ACTR3C: variants seen among roughly 807,000 people sequenced by gnomAD.
ACTR3C encodes the protein actin related protein 3C, also known as actin-related protein 3C.
Under a neutral mutation model 26.3 loss-of-function variants are expected in ACTR3C, and 18 were observed. The ratio of observed to expected loss-of-function variants is 0.68; its 90% CI spans 0.47 to 1.01. The LOEUF (loss-of-function observed/expected upper bound fraction) is 1.01, where lower values mean the gene tolerates loss of function less well. Among genes scored for constraint, ACTR3C ranks in the 50% least tolerant of loss-of-function variants. The pLI, the probability that ACTR3C is intolerant of heterozygous loss-of-function variation, is 0.00. For synonymous variants in ACTR3C, 55 were observed against 94.5 expected, an observed-to-expected ratio of 0.58 and a Z score of 2.42; for missense variants, 184 against 250.7, an observed-to-expected ratio of 0.73 and a Z score of 1.80.
At chr7:149,968,968 T>A in the ACTR3C span, among the ~76,000 whole-genome samples, 2 of 151,888 alleles carry the variant, frequency 1.3e-5, no homozygotes, top group East Asian at 1.9e-4. Context: ...GTCAGTCCCA[T>A]TCGCTCAGGC....
chr7:150,299,464 CAAAAAAAA>C lies in ACTR3C; in HGVS notation c.-51-4125_-51-4118del, dbSNP rs759969034. On this transcript the variant is annotated intron_variant, in intron 1 of 7. Coordinates refer to ENST00000683684, the MANE Select transcript of ACTR3C (RefSeq NM_001164458.2). ...CTTGGACAACATAGAGACCCCCTCT[CAAAAAAAA>C]AAAAAAAAAAAAAAAAAAAAAACAA... 5.0e-4 allele frequency among the ~76,000 whole-genome samples: 7 copies of C among 14,112 alleles called. 1 individual carries two copies. The South Asian group carries it at 0.019, about 38-fold the overall frequency. 9.3% of individuals were successfully genotyped at this position (14,112 alleles called of 152,430 possible).
At chr7:150,091,764 C>T in the ACTR3C span, among the ~76,000 whole-genome samples, 4 of 147,452 alleles carry the variant, frequency 2.7e-5, no homozygotes, top group African/African-American at 5.0e-5. Flanking sequence ...GGGCGGATCA[C>T]GAGGTCAGGA....
At chr7:150,263,950 G>A (rs976479986) in intron 6 of ACTR3C, among the ~76,000 whole-genome samples, 2 of 152,344 alleles carry the variant, frequency 1.3e-5, no homozygotes, top group African/African-American at 4.8e-5. Flanking sequence ...GCTGCAGGTG[G>A]AAGCTATGAC....
the ACTR3C span, among the ~76,000 whole-genome samples, chr7:150,198,307 C>T: frequency 9.2e-3 from 1,360 of 147,828 alleles, 28 homozygotes; most frequent in Admixed American, 0.041. Context: ...GGCCGCCCAT[C>T]GTCTGGGATG....
At chr7:149,975,230 A>G in the ACTR3C span, among the ~76,000 whole-genome samples, 1 of 152,224 alleles carries the variant, frequency 6.6e-6, no homozygotes, top group Admixed American at 6.5e-5. Flanking sequence ...GAATTTAGAA[A>G]TCAATAACAG....
the ACTR3C span, among the ~76,000 whole-genome samples, chr7:149,895,332 CGAG>C: frequency 3.4e-4 from 51 of 149,814 alleles, no homozygotes; most frequent in African/African-American, 1.2e-3. Context: ...TAGCATACAA[CGAG>C]GAGACAACGG....
At chr7:150,198,734 C>T in the ACTR3C span, among the ~76,000 whole-genome samples, 1 of 147,992 alleles carries the variant, frequency 6.8e-6, no homozygotes, top group African/African-American at 2.6e-5. Flanking sequence ...CCGGCAGCCA[C>T]CCCGTCCGGG....
chr7:150,143,438 CT>C, the ACTR3C span, among the ~76,000 whole-genome samples: 3 of 152,160 alleles, frequency 2.0e-5, no homozygotes, highest in South Asian at 6.2e-4. Flanking sequence ...CTTTAGTTGG[CT>C]TTTTGCAAAC....
At chr7:150,163,267 G>A in the ACTR3C span, among the ~76,000 whole-genome samples, 1 of 152,094 alleles carries the variant, frequency 6.6e-6, no homozygotes, top group South Asian at 2.1e-4. Flanking sequence ...TTCCTGGGGA[G>A]TAAGGAGTAC....
At chr7:150,076,461 G>A in the ACTR3C span, 1 of 152,214 alleles carries the variant, frequency 6.6e-6, no homozygotes, top group South Asian at 2.1e-4. Context: ...ATTGATAGCT[G>A]AACTATTTGC....
intron 6 of ACTR3C, among the ~76,000 whole-genome samples, chr7:150,280,194 TCAGAATCTCCCAGGGTGGGACC>T (rs1003171137): frequency 2.0e-5 from 3 of 152,090 alleles, no homozygotes; most frequent in African/African-American, 7.2e-5. Flanking sequence ...CCCAATTACA[TCAGAATCTCCCAGGGTGGGACC>T]CAGACTCCGG....
the ACTR3C span, among the ~76,000 whole-genome samples, chr7:149,921,210 T>C: frequency 5.3e-5 from 8 of 152,284 alleles, no homozygotes; most frequent in East Asian, 1.5e-3. Flanking sequence ...TTACATCTGT[T>C]CCACACACTC....
At chr7:150,067,331 G>A in the ACTR3C span, among the ~76,000 whole-genome samples, 681 of 152,316 alleles carry the variant, frequency 4.5e-3, 5 homozygotes, top group African/African-American at 0.016. Context: ...TTCAATGCCA[G>A]TGCAGAGGGG....
the ACTR3C span, among the ~76,000 whole-genome samples, chr7:150,178,467 A>G: frequency 6.7e-6 from 1 of 150,202 alleles, no homozygotes; most frequent in African/African-American, 2.5e-5. Context: ...CATTTTTAGT[A>G]GAGACAGGGT....
chr7:149,964,723 A>G, the ACTR3C span, among the ~76,000 whole-genome samples: 10 of 152,242 alleles, frequency 6.6e-5, no homozygotes, highest in African/African-American at 2.4e-4. Flanking sequence ...TAGTCAGATC[A>G]ATATTAAGCC....
the ACTR3C span, among the ~76,000 whole-genome samples, chr7:149,910,143 T>C: frequency 6.7e-6 from 1 of 150,122 alleles, no homozygotes; most frequent in Non-Finnish European, 1.5e-5. Context: ...ATATGCAGGC[T>C]AATTCCAACA....
chr7:150,041,132 T>A, the ACTR3C span, among the ~76,000 whole-genome samples: 1,574 of 150,606 alleles, frequency 0.01, 44 homozygotes, highest in African/African-American at 0.018. Context: ...GGGCTGGGGC[T>A]GCCAGAAGAT....
In ACTR3C at chr7:150,274,173, A is replaced by C. The variant is rs1834666911; in HGVS notation, c.564+10580T>G. Among the ~76,000 whole-genome samples, 1 of 152,180 alleles carries C rather than the reference A, an allele frequency of 6.6e-6. No individual in the cohort carries two copies. The highest frequency in any genetic ancestry group is 2.4e-5 in the African/African-American group (1 of 41,424). ...GACGTGGGAAAAAGCGCCGAGGTGCAGTCTAGAGCAGGGTGGTCAGGACGC... is the reference window on the plus strand; with the variant it reads ...GACGTGGGAAAAAGCGCCGAGGTGCCGTCTAGAGCAGGGTGGTCAGGACGC... On this transcript the variant is annotated intron_variant, in intron 6 of 7. Transcript: ENST00000683684. The surrounding 1 kb of genome is among the most constrained non-coding windows in gnomAD (Gnocchi z 4.1).
the ACTR3C span, among the ~76,000 whole-genome samples, chr7:150,228,460 C>A: frequency 2.6e-5 from 4 of 152,192 alleles, no homozygotes; most frequent in South Asian, 8.3e-4. Context: ...CATTAAGAAT[C>A]TTGAGATAGG....
Sources: allele counts gnomAD v4.1 joint callset (sites outside exome capture counted in the v4.1 genomes callset), GRCh38; gene constraint gnomAD v4.1.1; non-coding constraint Gnocchi (gnomAD v3.1); transcripts MANE v1.5; gene names NCBI Gene and HGNC (gene_info 2026-07-23, HGNC 2026-07-21).